MRS2: variants seen among roughly 807,000 people sequenced by gnomAD.
The protein encoded by MRS2 is magnesium transporter MRS2, also known as magnesium transporter MRS2 homolog, mitochondrial.
In MRS2, 40 loss-of-function variants were observed where a neutral mutation model predicts 52.6. That is an observed-to-expected ratio of 0.76 (90% CI 0.59 to 0.99). The LOEUF (loss-of-function observed/expected upper bound fraction) is 0.99, where lower values mean the gene tolerates loss of function less well. Ranked by LOEUF, MRS2 falls within the 50% of genes least tolerant of loss-of-function variation. MRS2 has a pLI of 0.00. For missense variants in MRS2, 472 were observed against 532.7 expected, an observed-to-expected ratio of 0.89 and a Z score of 1.12; for synonymous variants, 193 against 195.9, an observed-to-expected ratio of 0.98 and a Z score of 0.13.
At chr6:24,413,134 G>A (rs1369036859) in intron 5 of MRS2, among the ~76,000 whole-genome samples, 7 of 152,088 alleles carry the variant, frequency 4.6e-5, no homozygotes, top group Admixed American at 2.0e-4. Context: ...CCAAGCAGGG[G>A]GAAAGCAGAA....
Position 24,425,542 on chromosome 6 carries a change from TTATAC to T in MRS2, c.*1851_*1855del, listed in dbSNP as rs1471418493. On this transcript the variant is annotated 3_prime_UTR_variant, in exon 11 of 11. Coordinates refer to ENST00000378386, the MANE Select transcript of MRS2 (RefSeq NM_020662.4). Reference sequence around the variant, plus strand: ...CACTTTTGTGATTGCAGGATGCTTCTTATACTAAAGTTCTCATAAATAATAAATCA... The same window carrying T: ...CACTTTTGTGATTGCAGGATGCTTCTTAAAGTTCTCATAAATAATAAATCA... 6.6e-6 allele frequency: 1 copy of T among 152,258 alleles called. No homozygotes were observed. Among genetic ancestry groups the T allele is most frequent in the Non-Finnish European group, 1.5e-5 (1 of 68,052 alleles). The allele number at this position is 152,258 out of a possible 1,614,324, so 9.4% of individuals were successfully genotyped here.
At position 24,403,014 on chromosome 6, in the gene MRS2, GTCTGGCTGC is replaced by G; in HGVS notation, c.-31_-23del. The G allele has an allele frequency of 6.5e-7, 1 of 1,549,836 alleles. No individual in the cohort carries two copies. The highest frequency in any genetic ancestry group is 1.2e-5 in the South Asian group (1 of 81,038). ...CCAGCGTCCGGCATGAAGGTCTGGG[GTCTGGCTGC>G]TGCCTGCTTCTTGCTCCAGCACCAT... On this transcript the variant is annotated 5_prime_UTR_variant, in exon 1 of 11. Transcript: ENST00000378386.
chr6:24,423,068 C>G lies in MRS2; in HGVS notation c.1221+18C>G. 10 of 1,592,864 alleles carry G rather than the reference C, an allele frequency of 6.3e-6. No homozygotes were observed. The highest frequency in any genetic ancestry group is 8.6e-6 in the Non-Finnish European group (10 of 1,161,960). ...CTCCTATGGTATGAAGGATATGGTT[C>G]ACGGCGGTATTGTGGAAGGGTTATG... On this transcript the variant is annotated intron_variant, in intron 10 of 10. Coordinates refer to ENST00000378386, the MANE Select transcript of MRS2 (RefSeq NM_020662.4).
At chr6:24,410,775 G>T in intron 4 of MRS2, 1 of 1,528,104 alleles carries the variant, frequency 6.5e-7, no homozygotes, top group African/African-American at 1.4e-5. Flanking sequence ...TCAAAACAGT[G>T]TCTCTTTCAT....
rs576984762 is a variant in MRS2, at chr6:24,405,183, T to C, written c.206T>C (p.Phe69Ser). 2 of 1,613,868 alleles carry C rather than the reference T, an allele frequency of 1.2e-6. No individual in the cohort carries two copies. Among genetic ancestry groups the C allele is most frequent in the Admixed American group, 3.3e-5 (2 of 60,020 alleles). The change falls in exon 2 of 11, where the codon TTT becomes TCT. Residue 69 changes from phenylalanine to serine, a missense_variant. Transcript: ENST00000378386. The stretch of plus-strand genomic sequence containing the variant: ...TATTCTTCAGGTGAAGTGCACCGGT[T>C]TAGAACCTCTGACGTCTCTCAAGCC... ...RLRVAGEVHRFRTSDVSQATL... is the reference protein window; with the variant it reads ...RLRVAGEVHRSRTSDVSQATL...
rs371030207 is a variant in MRS2, at chr6:24,425,407, G to T, written c.*1713G>T. ...TTTTTGATGAATCATGTCAATAAAA[G>T]GAAAAATAATGTAACTACCTCATAA... On this transcript the variant is annotated 3_prime_UTR_variant, in exon 11 of 11. Coordinates refer to ENST00000378386, the MANE Select transcript of MRS2 (RefSeq NM_020662.4). The T allele has an allele frequency of 2.0e-5, 3 of 152,080 alleles. No individual in the cohort carries two copies. In the East Asian group the frequency reaches 5.8e-4, roughly 29 times the overall value. 9.4% of individuals were successfully genotyped at this position (152,080 alleles called of 1,614,324 possible). A position where few individuals can be genotyped will look rare whatever the true frequency, so the allele number is the denominator to read the frequency against.
At chr6:24,416,562 T>C in intron 7 of MRS2, 49 bp downstream of exon 7, 1 of 999,906 alleles carries the variant, frequency 1.0e-6, no homozygotes, top group East Asian at 2.4e-5. Flanking sequence ...AGTAAATCTT[T>C]TGCCTTTTCC....
Position 24,423,037 on chromosome 6 carries a change from C to G in MRS2, c.1208C>G (p.Pro403Arg), listed in dbSNP as rs1561816653. 1 of 1,613,546 alleles carries G rather than the reference C, an allele frequency of 6.2e-7. No homozygotes were observed. Among genetic ancestry groups the G allele is most frequent in the Non-Finnish European group, 8.5e-7 (1 of 1,179,492 alleles). Residue 403 changes from proline to arginine, a missense_variant, in exon 10 of 11, where the codon CCA (proline) becomes CGA (arginine). Physicochemically the swap from Pro to Arg is moderately radical, Grantham distance 103 (BLOSUM62 -2). Transcript: ENST00000378386. ...TTCCTTGGACGACAGCTAGAAGCTC[C>G]ATTGCCTCCTATGGTATGAAGGATA... Reference protein sequence around the residue: ...LSFLGRQLEAPLPPMMASLPK... With the variant: ...LSFLGRQLEARLPPMMASLPK...
chr6:24,413,203 C>T (rs2127290262), intron 5 of MRS2, among the ~76,000 whole-genome samples: 1 of 152,102 alleles, frequency 6.6e-6, no homozygotes, highest in East Asian at 1.9e-4. Context: ...GGTAAGCTCT[C>T]AGGAGCTCAT....
intron 4 of MRS2, among the ~76,000 whole-genome samples, chr6:24,411,447 A>G (rs955374617): frequency 6.6e-6 from 1 of 152,228 alleles, no homozygotes; most frequent in African/African-American, 2.4e-5. Context: ...CATTTGTGCC[A>G]AACTAATTAT....
chr6:24,422,432 T>C (rs935928936), intron 9 of MRS2, among the ~76,000 whole-genome samples: 9 of 152,220 alleles, frequency 5.9e-5, no homozygotes, highest in African/African-American at 2.2e-4. Context: ...GTTCCCAAAC[T>C]TCCTTGGATC....
Position 24,423,567 on chromosome 6 carries a change from ACTT to A in MRS2, c.1222-14_1222-12del. On this transcript the variant is annotated splice_polypyrimidine_tract_variant and intron_variant, in intron 10 of 10. Coordinates refer to ENST00000378386, the MANE Select transcript of MRS2 (RefSeq NM_020662.4). ...TTTTAAAAAAGATACTAAAATTAAT[ACTT>A]CTGCTTTATTTAGATGGCTTCTTTA... 1 of 1,414,336 alleles carries A rather than the reference ACTT, an allele frequency of 7.1e-7. No individual in the cohort carries two copies. Among genetic ancestry groups the A allele is most frequent in the Non-Finnish European group, 9.9e-7 (1 of 1,012,344 alleles). The allele number at this position is 1,414,336 out of a possible 1,614,324, so 87.6% of individuals were successfully genotyped here. A position where few individuals can be genotyped will look rare whatever the true frequency, so the allele number is the denominator to read the frequency against.
rs759496727 is a variant in MRS2, at chr6:24,418,179, G to T, written c.932G>T (p.Arg311Leu). 3 of 1,613,522 alleles carry T rather than the reference G, an allele frequency of 1.9e-6. No individual in the cohort carries two copies. The South Asian group carries it at 3.3e-5, about 18-fold the overall frequency. Residue 311 changes from arginine (R) to leucine (L), a missense_variant, in exon 8 of 11, where the codon CGT (arginine) becomes CTT (leucine). Physicochemically the swap from Arg to Leu is moderately radical, Grantham distance 102 (BLOSUM62 -2). Coordinates refer to ENST00000378386, the MANE Select transcript of MRS2 (RefSeq NM_020662.4). ...GCTGACGATCTCTCCAATGCAGCTC[G>T]TGAGCTTAGGGTGCTGATTGATGAT... is the stretch of plus-strand genomic sequence containing the variant. ...RLADDLSNAA[R>L]ELRVLIDDSQ...
At chr6:24,405,350 C>T (rs2127280479) in intron 2 of MRS2, 109 bp downstream of exon 2, 1 of 778,830 alleles carries the variant, frequency 1.3e-6, no homozygotes, top group Non-Finnish European at 2.2e-6. Context: ...TTATAATCAT[C>T]ATAGCTACAT....
In MRS2 at chr6:24,424,372, C is replaced by A. The variant is rs1353411671; in HGVS notation, c.*678C>A. On this transcript the variant is annotated 3_prime_UTR_variant, in exon 11 of 11. Coordinates refer to ENST00000378386, the MANE Select transcript of MRS2 (RefSeq NM_020662.4). ...GAAGCAAAGTTGAAAGGAAGTATTT[C>A]CATTCTGTTACTGTTTTGTAGCACT... 2.6e-5 allele frequency: 4 copies of A among 152,104 alleles called. No individual in the cohort carries two copies. Among genetic ancestry groups the A allele is most frequent in the Admixed American group, 6.6e-5 (1 of 15,256 alleles). The allele number at this position is 152,104 out of a possible 1,614,324, so 9.4% of individuals were successfully genotyped here.
chr6:24,423,550 A>T (rs1208668223), intron 10 of MRS2, 34 bp from the exon 11 acceptor site: 1 of 1,280,200 alleles, frequency 7.8e-7, no homozygotes, highest in South Asian at 1.3e-5. Context: ...TCTTTTAAAA[A>T]AGATACTAAA....
At chr6:24,417,261 CA>C (rs1375060313) in intron 7 of MRS2, among the ~76,000 whole-genome samples, 1 of 152,194 alleles carries the variant, frequency 6.6e-6, no homozygotes, top group Non-Finnish European at 1.5e-5. Flanking sequence ...CTTTATGATA[CA>C]GGTACCTCTT....
chr6:24,409,581 A>T lies in MRS2; in HGVS notation c.414+8A>T, dbSNP rs749877834. 1.5e-5 allele frequency: 22 copies of T among 1,488,160 alleles called. No individual in the cohort carries two copies. The highest frequency in any genetic ancestry group is 1.9e-5 in the Non-Finnish European group (21 of 1,077,768). 92.2% of individuals were successfully genotyped at this position (1,488,160 alleles called of 1,614,324 possible). A position where few individuals can be genotyped will look rare whatever the true frequency, so the allele number is the denominator to read the frequency against. On this transcript the variant is annotated splice_region_variant and intron_variant, in intron 4 of 10. Transcript: ENST00000378386. ...ATTATCATGAGAATGGAGGTAAAATATTTTATTTTCATCTATGTTTCTCCA... is the reference window on the plus strand; with the variant it reads ...ATTATCATGAGAATGGAGGTAAAATTTTTTATTTTCATCTATGTTTCTCCA...
At chr6:24,417,186 G>A (rs544686691) in intron 7 of MRS2, among the ~76,000 whole-genome samples, 10 of 152,268 alleles carry the variant, frequency 6.6e-5, no homozygotes, top group South Asian at 4.1e-4. Flanking sequence ...GTAGATAGCC[G>A]ATAGGTATGG....
Sources: gnomAD v4.1 joint callset for allele counts (sites outside exome capture counted in the v4.1 genomes callset) on GRCh38, gnomAD v4.1.1 for gene constraint, MANE v1.5 for transcripts, NCBI Gene and HGNC (gene_info 2026-07-23, HGNC 2026-07-21) for gene names.